The following CNTN1 variants were observed in gnomAD, a reference collection of about 807,000 sequenced individuals.
CNTN1 encodes the protein contactin 1.
CNTN1 carries 38 observed loss-of-function variants against 126.4 expected under a neutral mutation model. That is an observed-to-expected ratio of 0.30 (90% CI 0.23 to 0.39). CNTN1 has a LOEUF of 0.39. Among genes scored for constraint, CNTN1 ranks in the 10% least tolerant of loss-of-function variants. The probability of loss-of-function intolerance (pLI) is 1.00; values close to 1 mark genes in which losing one functional copy is unlikely to be tolerated. For missense variants in CNTN1, 1,009 were observed against 1,248.4 expected (o/e 0.81, Z 2.89); for synonymous variants, 413 against 422.6 (o/e 0.98, Z 0.28).
chr12:40,784,157 C>A (rs1052326001), intron 1 of CNTN1, among the ~76,000 whole-genome samples: 3 of 152,056 alleles, frequency 2.0e-5, no homozygotes, highest in African/African-American at 7.2e-5. Flanking sequence ...TATCAAACTT[C>A]TAAAAGAAAA....
intron 1 of CNTN1, among the ~76,000 whole-genome samples, chr12:40,845,905 A>G (rs554381655): frequency 3.3e-4 from 50 of 152,352 alleles, no homozygotes; most frequent in African/African-American, 1.2e-3. Context: ...TAAAAAATGA[A>G]TATTAGTGGA....
chr12:40,888,448 T>A (rs4768316), intron 1 of CNTN1, among the ~76,000 whole-genome samples: 36,571 of 152,002 alleles, frequency 0.24, 4,819 homozygotes, highest in South Asian at 0.35. Flanking sequence ...TTTTTAAGAG[T>A]CTTATTTTGA....
rs1950144009 is a variant in CNTN1 at position 41,070,790 on chromosome 12, C to A, written c.*755C>A. On this transcript the variant is annotated 3_prime_UTR_variant, in exon 24 of 24. Transcript: ENST00000551295. The stretch of plus-strand genomic sequence containing the variant: ...TACTCTGAAGTTATTTTATGCTTTT[C>A]TTATCAATTTCAAATCTCAAAAATC... The A allele has an allele frequency of 6.6e-6, 1 of 151,484 alleles. No homozygotes were observed. Among genetic ancestry groups the A allele is most frequent in the African/African-American group, 2.4e-5 (1 of 41,204 alleles). 9.4% of individuals were successfully genotyped at this position (151,484 alleles called of 1,614,324 possible).
chr12:40,968,375 T>C (rs2137036223), intron 15 of CNTN1, among the ~76,000 whole-genome samples: 1 of 152,314 alleles, frequency 6.6e-6, no homozygotes, highest in Non-Finnish European at 1.5e-5. Flanking sequence ...GCTGGCCTAT[T>C]ACAAGGGAAA....
intron 14 of CNTN1, 33 bp downstream of exon 14, chr12:40,944,203 C>G: frequency 1.3e-6 from 2 of 1,530,416 alleles, no homozygotes; most frequent in Non-Finnish European, 9.1e-7. Context: ...TATTAACACC[C>G]CAGTGATTCC....
At chr12:41,015,635 C>T (rs1948762952) in intron 18 of CNTN1, among the ~76,000 whole-genome samples, 1 of 151,850 alleles carries the variant, frequency 6.6e-6, no homozygotes, top group Non-Finnish European at 1.5e-5. Context: ...TCTATATCTT[C>T]CTATTTAATA....
intron 1 of CNTN1, among the ~76,000 whole-genome samples, chr12:40,740,883 T>C (rs1415217982): frequency 6.6e-6 from 1 of 152,128 alleles, no homozygotes; most frequent in Non-Finnish European, 1.5e-5. Context: ...TTCCTTTGCC[T>C]TCCACCCTGA....
intron 23 of CNTN1, among the ~76,000 whole-genome samples, chr12:41,037,587 G>A (rs558530815): frequency 1.9e-4 from 29 of 151,046 alleles, no homozygotes; most frequent in South Asian, 6.3e-4. Context: ...ATTAAGCAAC[G>A]CATAACTATA....
rs547782217 is a variant in CNTN1, at chr12:41,067,390, A to G, written c.2981-2569A>G. Among the ~76,000 whole-genome samples the G allele has an allele frequency of 3.9e-5, 6 of 152,264 alleles. No individual in the cohort carries two copies. The South Asian group carries it at 1.0e-3, about 26-fold the overall frequency. ...ACTTTGCCAACCCACATATTCAGCC[A>G]AGTACATAAACATGTCCCCATGATA... On this transcript the variant is annotated intron_variant, in intron 23 of 23. Transcript: ENST00000551295.
At chr12:40,899,665 C>T (rs1565906290) in intron 1 of CNTN1, among the ~76,000 whole-genome samples, 1 of 152,148 alleles carries the variant, frequency 6.6e-6, no homozygotes, top group African/African-American at 2.4e-5. Flanking sequence ...CCAACCTTCA[C>T]TTAACATACT....
intron 1 of CNTN1, among the ~76,000 whole-genome samples, chr12:40,723,710 G>T (rs1262316037): frequency 6.6e-6 from 1 of 152,080 alleles, no homozygotes; most frequent in Non-Finnish European, 1.5e-5. Context: ...CAAAAACAGG[G>T]GATATATGGC....
At chr12:40,701,328 A>G (rs1941589564) in intron 1 of CNTN1, among the ~76,000 whole-genome samples, 1 of 152,178 alleles carries the variant, frequency 6.6e-6, no homozygotes, top group African/African-American at 2.4e-5. Flanking sequence ...TAGGCCAATC[A>G]TTTGAATTTT....
chr12:40,872,384 G>A (rs1943533653), intron 1 of CNTN1, among the ~76,000 whole-genome samples: 1 of 151,686 alleles, frequency 6.6e-6, no homozygotes, highest in Non-Finnish European at 1.5e-5. Context: ...GAATTTGTGT[G>A]GACTCAAATA....
intron 1 of CNTN1, among the ~76,000 whole-genome samples, chr12:40,865,700 G>T (rs7968835): frequency 0.69 from 104,805 of 151,866 alleles, 36,849 homozygotes; most frequent in African/African-American, 0.84. Context: ...TTATTACCAA[G>T]ACTACATTGT....
At chr12:41,058,156 A>G (rs1949865934) in intron 23 of CNTN1, among the ~76,000 whole-genome samples, 2 of 152,216 alleles carry the variant, frequency 1.3e-5, no homozygotes, top group South Asian at 4.1e-4. Flanking sequence ...AATCCAGGTA[A>G]GACATAGTAA....
intron 1 of CNTN1, among the ~76,000 whole-genome samples, chr12:40,853,592 A>AAGAC (rs879923394): frequency 2.0e-5 from 3 of 152,122 alleles, no homozygotes; most frequent in Non-Finnish European, 2.9e-5. Flanking sequence ...CACTATCTGT[A>AAGAC]AGACACTGTG....
intron 1 of CNTN1, among the ~76,000 whole-genome samples, chr12:40,708,678 A>G (rs1941831811): frequency 6.6e-6 from 1 of 152,196 alleles, no homozygotes; most frequent in Admixed American, 6.5e-5. Context: ...AAATCTTGCT[A>G]CTGCTTTATT....
At chr12:40,851,387 A>G (rs941922135) in intron 1 of CNTN1, among the ~76,000 whole-genome samples, 1 of 152,188 alleles carries the variant, frequency 6.6e-6, no homozygotes, top group Non-Finnish European at 1.5e-5. Flanking sequence ...GTGCACACAC[A>G]TGTATTTGCT....
At chr12:40,900,673 GAACAAA>G (rs1162532590) in intron 1 of CNTN1, among the ~76,000 whole-genome samples, 2 of 152,146 alleles carry the variant, frequency 1.3e-5, no homozygotes, top group Admixed American at 1.3e-4. Context: ...TTCAATCAAT[GAACAAA>G]AGAGGCACTG....
Sources: allele counts gnomAD v4.1 joint callset (sites outside exome capture counted in the v4.1 genomes callset), GRCh38; gene constraint gnomAD v4.1.1; transcripts MANE v1.5; gene names NCBI Gene and HGNC (gene_info 2026-07-23, HGNC 2026-07-21).